The following GRID2 variants were observed in gnomAD, a reference collection of about 807,000 sequenced individuals.
The protein encoded by GRID2 is glutamate receptor ionotropic, delta-2.
Under a neutral mutation model 114.8 loss-of-function variants are expected in GRID2, and 33 were observed. The observed-to-expected ratio is 0.29, with a 90% CI of 0.22 to 0.38. The LOEUF is 0.38. Ranked by LOEUF, GRID2 falls within the 10% of genes least tolerant of loss-of-function variation. The pLI, the probability that GRID2 is intolerant of heterozygous loss-of-function variation, is 1.00. For missense variants in GRID2, 1,184 were observed against 1,257.7 expected (o/e 0.94, Z 0.89); for synonymous variants, 505 against 449.9 (o/e 1.12, Z -1.55).
At chr4:93,409,597 GCA>G (rs1347642175) in intron 9 of GRID2, among the ~76,000 whole-genome samples, 2 of 152,070 alleles carry the variant, frequency 1.3e-5, no homozygotes, top group East Asian at 3.9e-4. Context: ...AAAGCAACAG[GCA>G]CACACACACT....
At chr4:92,314,531 A>G (rs1318164344) in intron 1 of GRID2, among the ~76,000 whole-genome samples, 2 of 152,114 alleles carry the variant, frequency 1.3e-5, no homozygotes, top group South Asian at 2.1e-4. Flanking sequence ...TGTTGAGGAT[A>G]CCTAATCCAG....
chr4:93,176,757 A>G (rs1048702142), intron 4 of GRID2, among the ~76,000 whole-genome samples: 7 of 152,222 alleles, frequency 4.6e-5, no homozygotes, highest in Non-Finnish European at 1.5e-5. Context: ...CTCTCTTGAC[A>G]GAAGTCCAGT....
intron 1 of GRID2, among the ~76,000 whole-genome samples, chr4:92,449,676 G>GATATATATATAT (rs371209786): frequency 0.018 from 1,730 of 96,588 alleles, 65 homozygotes; most frequent in Non-Finnish European, 0.02. Context: ...TTTTCTTACT[G>GATATATATATAT]ATATATATAT....
At chr4:93,751,857 C>T (rs550372236) in intron 14 of GRID2, among the ~76,000 whole-genome samples, 7 of 152,242 alleles carry the variant, frequency 4.6e-5, no homozygotes, top group East Asian at 3.9e-4. Flanking sequence ...CATTCCTTGC[C>T]GCCTCCTTAT....
chr4:93,594,602 G>A (rs1302433655), intron 13 of GRID2, among the ~76,000 whole-genome samples: 1 of 152,216 alleles, frequency 6.6e-6, no homozygotes, highest in Admixed American at 6.5e-5. Context: ...CTTCCAGGCT[G>A]CTTTGTTTAC....
intron 8 of GRID2, among the ~76,000 whole-genome samples, chr4:93,351,362 T>C (rs1284533734): frequency 1.3e-5 from 2 of 152,026 alleles, no homozygotes; most frequent in Non-Finnish European, 2.9e-5. Flanking sequence ...CAGCATCTGA[T>C]CCACAGCTTT....
chr4:92,666,204 A>T (rs1376665995), intron 2 of GRID2, among the ~76,000 whole-genome samples: 1 of 151,156 alleles, frequency 6.6e-6, no homozygotes, highest in African/African-American at 2.4e-5. Flanking sequence ...AAACAGTATA[A>T]TGCATTTTTC....
intron 2 of GRID2, among the ~76,000 whole-genome samples, chr4:92,942,277 G>C (rs563402863): frequency 6.6e-6 from 1 of 151,606 alleles, no homozygotes; most frequent in Non-Finnish European, 1.5e-5. Context: ...TATATATTTA[G>C]GATAGTTAGC....
rs537676425 is a variant in GRID2 at position 92,812,129 on chromosome 4, T to C, written c.244+221843T>C. ...CGTGAATGAACATTGTTTTTAGCAA[T>C]AGCTTATTAGGAACTCTGATTTTCA... On this transcript the variant is annotated intron_variant, in intron 2 of 15. Transcript: ENST00000282020. 1.6e-4 allele frequency among the ~76,000 whole-genome samples: 24 copies of C among 152,260 alleles called. No individual in the cohort carries two copies. The South Asian group carries it at 5.0e-3, about 32-fold the overall frequency.
chr4:92,990,249 T>TGTGTGTGA (rs1424568290), intron 2 of GRID2, among the ~76,000 whole-genome samples: 2 of 114,722 alleles, frequency 1.7e-5, no homozygotes, highest in African/African-American at 6.6e-5. Flanking sequence ...TGTGTGTGTG[T>TGTGTGTGA]GATATATGTA....
intron 2 of GRID2, among the ~76,000 whole-genome samples, chr4:92,765,741 A>G (rs908302419): frequency 3.3e-5 from 5 of 152,202 alleles, no homozygotes; most frequent in African/African-American, 1.2e-4. Flanking sequence ...ATCCAGACAG[A>G]GAGCACTAAA....
intron 2 of GRID2, among the ~76,000 whole-genome samples, chr4:92,913,572 A>G (rs138443321): frequency 1.3e-5 from 2 of 152,072 alleles, no homozygotes; most frequent in African/African-American, 4.8e-5. Flanking sequence ...GCTCATTTTC[A>G]TAAATGTTAT....
intron 1 of GRID2, among the ~76,000 whole-genome samples, chr4:92,495,995 G>T (rs1019946843): frequency 2.0e-5 from 3 of 151,808 alleles, no homozygotes; most frequent in African/African-American, 7.2e-5. Flanking sequence ...AAGTAAATAT[G>T]TATGAACTGA....
At chr4:93,023,526 G>A (rs1203376971) in intron 2 of GRID2, among the ~76,000 whole-genome samples, 2 of 151,830 alleles carry the variant, frequency 1.3e-5, no homozygotes, top group African/African-American at 4.8e-5. Context: ...AGCTAATAGT[G>A]TGGTATTTTC....
intron 2 of GRID2, among the ~76,000 whole-genome samples, chr4:93,054,028 A>G (rs888287845): frequency 3.3e-5 from 5 of 151,964 alleles, no homozygotes; most frequent in Non-Finnish European, 7.4e-5. Context: ...CTACTGTCCA[A>G]CAGACCCCCA....
intron 13 of GRID2, among the ~76,000 whole-genome samples, chr4:93,529,947 T>C (rs1001108372): frequency 6.6e-6 from 1 of 152,136 alleles, no homozygotes; most frequent in Non-Finnish European, 1.5e-5. Flanking sequence ...TTGACGCTTA[T>C]CTTTCTGTGT....
intron 1 of GRID2, among the ~76,000 whole-genome samples, chr4:92,538,999 T>G (rs865871948): frequency 2.2e-4 from 31 of 143,710 alleles, no homozygotes; most frequent in Middle Eastern, 3.9e-3. Context: ...CCGAGATCAC[T>G]CCACTGCACT....
intron 2 of GRID2, among the ~76,000 whole-genome samples, chr4:92,686,681 A>C (rs1317137619): frequency 6.6e-6 from 1 of 152,068 alleles, no homozygotes; most frequent in Non-Finnish European, 1.5e-5. Flanking sequence ...TTTGGATACA[A>C]GTCAAAATAA....
intron 12 of GRID2, among the ~76,000 whole-genome samples, chr4:93,514,666 G>A (rs1729531326): frequency 1.3e-5 from 2 of 152,022 alleles, no homozygotes; most frequent in South Asian, 4.1e-4. Flanking sequence ...TTGATGTGAG[G>A]CATTTCTGTG....
Sources: allele counts gnomAD v4.1 joint callset (sites outside exome capture counted in the v4.1 genomes callset), GRCh38; gene constraint gnomAD v4.1.1; transcripts MANE v1.5; gene names NCBI Gene and HGNC (gene_info 2026-07-23, HGNC 2026-07-21).